SUGCT: variants seen among roughly 807,000 people sequenced by gnomAD.
The protein encoded by SUGCT is succinyl-CoA:glutarate-CoA transferase.
In SUGCT, 41 loss-of-function variants were observed where a neutral mutation model predicts 55.0. That is an observed-to-expected ratio of 0.74 (90% CI 0.58 to 0.97). SUGCT has a LOEUF of 0.97. Among genes scored for constraint, SUGCT ranks in the 50% least tolerant of loss-of-function variants. SUGCT has a pLI of 0.00. For synonymous variants in SUGCT, 187 were observed against 200.4 expected, an observed-to-expected ratio of 0.93 and a Z score of 0.56; for missense variants, 568 against 547.8, an observed-to-expected ratio of 1.04 and a Z score of -0.37.
chr7:40,843,165 A>G (rs1484389251), intron 13 of SUGCT, among the ~76,000 whole-genome samples: 2 of 152,190 alleles, frequency 1.3e-5, no homozygotes, highest in Non-Finnish European at 2.9e-5. Flanking sequence ...GAAAGGAGGT[A>G]AACTGGCCAA....
chr7:40,613,138 A>G (rs1038031167), intron 12 of SUGCT, among the ~76,000 whole-genome samples: 3 of 152,040 alleles, frequency 2.0e-5, no homozygotes, highest in African/African-American at 7.2e-5. Flanking sequence ...ATCTAAAAAA[A>G]AAATCCTTGG....
chr7:40,234,250 A>G (rs898159432), intron 6 of SUGCT, among the ~76,000 whole-genome samples: 4 of 152,208 alleles, frequency 2.6e-5, no homozygotes, highest in Non-Finnish European at 4.4e-5. Context: ...TCCTGCTGAG[A>G]TAACAGGTGG....
intron 12 of SUGCT, among the ~76,000 whole-genome samples, chr7:40,742,851 C>A (rs1787537404): frequency 6.6e-6 from 1 of 152,018 alleles, no homozygotes; most frequent in Admixed American, 6.5e-5. Context: ...AATATTATTC[C>A]AAGGTTGTTT....
At chr7:40,895,853 A>G in the SUGCT span, among the ~76,000 whole-genome samples, 4 of 152,242 alleles carry the variant, frequency 2.6e-5, no homozygotes, top group Non-Finnish European at 5.9e-5. Flanking sequence ...GTGGGCCTCA[A>G]CATAATAAAA....
At chr7:40,929,862 C>G in the SUGCT span, among the ~76,000 whole-genome samples, 1 of 152,152 alleles carries the variant, frequency 6.6e-6, no homozygotes, top group Non-Finnish European at 1.5e-5. Flanking sequence ...TTCTCCCATT[C>G]TGTAGGTTGC....
At chr7:41,023,697 G>A in the SUGCT span, among the ~76,000 whole-genome samples, 1 of 149,376 alleles carries the variant, frequency 6.7e-6, no homozygotes, top group Non-Finnish European at 1.5e-5. Context: ...CCACTGCTGG[G>A]CAATGCTGTG....
intron 9 of SUGCT, among the ~76,000 whole-genome samples, chr7:40,408,825 T>A (rs1562755312): frequency 6.6e-6 from 1 of 152,238 alleles, no homozygotes; most frequent in African/African-American, 2.4e-5. Context: ...TTCAAATAGT[T>A]ATTCCATTCA....
the SUGCT span, among the ~76,000 whole-genome samples, chr7:40,926,030 T>C: frequency 6.6e-6 from 1 of 152,016 alleles, no homozygotes; most frequent in East Asian, 1.9e-4. Context: ...GAGTTTGAGG[T>C]TGCAGTGAAC....
the SUGCT span, among the ~76,000 whole-genome samples, chr7:41,023,168 C>T: frequency 6.6e-6 from 1 of 152,158 alleles, no homozygotes; most frequent in Non-Finnish European, 1.5e-5. Context: ...CAAACAATGA[C>T]TTCTTGGGAC....
At chr7:40,592,712 G>C (rs1301761127) in intron 12 of SUGCT, among the ~76,000 whole-genome samples, 1 of 152,056 alleles carries the variant, frequency 6.6e-6, no homozygotes, top group Non-Finnish European at 1.5e-5. Flanking sequence ...TTTTGAATAT[G>C]GTTTTGACTG....
intron 12 of SUGCT, among the ~76,000 whole-genome samples, chr7:40,710,015 A>G (rs572056115): frequency 7.9e-5 from 12 of 152,330 alleles, no homozygotes; most frequent in African/African-American, 2.4e-4. Context: ...ATTTTACCCT[A>G]AACAGCATTG....
chr7:40,222,400 C>A (rs1249008060), intron 6 of SUGCT, among the ~76,000 whole-genome samples: 4 of 152,236 alleles, frequency 2.6e-5, no homozygotes, highest in Admixed American at 2.6e-4. Context: ...AACCTTATAT[C>A]CAGCCATGGA....
rs78332773 is a variant in SUGCT at position 40,492,498 on chromosome 7, G to A, written c.987-3786G>A. Among the ~76,000 whole-genome samples the A allele has an allele frequency of 4.7e-4, 71 of 152,232 alleles. No homozygotes were observed. In the East Asian group the frequency reaches 0.012, roughly 25 times the overall value. On this transcript the variant is annotated intron_variant, in intron 11 of 13. Coordinates refer to ENST00000335693, the MANE Select transcript of SUGCT (RefSeq NM_001193313.2). The stretch of plus-strand genomic sequence containing the variant: ...GCCTAAAGACCTCTCTGGGTTCCTT[G>A]TTGCAAGAAGAAATCCAATATTCTT...
At chr7:40,299,535 A>C (rs1360676827) in intron 8 of SUGCT, among the ~76,000 whole-genome samples, 1 of 152,200 alleles carries the variant, frequency 6.6e-6, no homozygotes, top group Admixed American at 6.5e-5. Flanking sequence ...TCAATGAGCA[A>C]GTACAAGCTA....
intron 7 of SUGCT, 38 bp from the exon 8 acceptor site, chr7:40,274,475 T>G (rs1433032160): frequency 6.3e-7 from 1 of 1,591,546 alleles, no homozygotes; most frequent in Non-Finnish European, 8.5e-7. Flanking sequence ...TTTTAATGTT[T>G]AATTATTTCT....
At chr7:40,904,671 T>C in the SUGCT span, among the ~76,000 whole-genome samples, 2 of 152,158 alleles carry the variant, frequency 1.3e-5, no homozygotes, top group African/African-American at 2.4e-5. Context: ...CCACTTAAAA[T>C]GGTTGAGATG....
intron 11 of SUGCT, among the ~76,000 whole-genome samples, chr7:40,478,175 A>T (rs551656800): frequency 9.2e-5 from 14 of 151,992 alleles, no homozygotes; most frequent in East Asian, 1.9e-4. Flanking sequence ...CTAATTTTTT[A>T]AATTTTTTTT....
At chr7:40,726,381 A>T (rs868110957) in intron 12 of SUGCT, among the ~76,000 whole-genome samples, 106 of 152,286 alleles carry the variant, frequency 7.0e-4, no homozygotes, top group African/African-American at 2.5e-3. Context: ...GTAGAAGTGG[A>T]TTATCATAAA....
intron 9 of SUGCT, among the ~76,000 whole-genome samples, chr7:40,333,967 T>A (rs1331375797): frequency 6.6e-6 from 1 of 151,964 alleles, no homozygotes; most frequent in Non-Finnish European, 1.5e-5. Context: ...GTGTTCTCAT[T>A]GTTCAATTCC....
Sources: gnomAD v4.1 joint callset for allele counts (sites outside exome capture counted in the v4.1 genomes callset) on GRCh38, gnomAD v4.1.1 for gene constraint, MANE v1.5 for transcripts, NCBI Gene and HGNC (gene_info 2026-07-23, HGNC 2026-07-21) for gene names.